Variants in SPIDR observed in about 807,000 individuals in gnomAD.
SPIDR encodes the protein scaffold protein involved in DNA repair.
In SPIDR, 93 loss-of-function variants were observed where a neutral mutation model predicts 104.6. That is an observed-to-expected ratio of 0.89 (90% CI 0.75 to 1.06). The LOEUF is 1.06. Ranked by LOEUF, SPIDR falls within the 50% of genes least tolerant of loss-of-function variation. The pLI is 0.00. For missense variants in SPIDR, 1,154 were observed against 1,111.2 expected (o/e 1.04, Z -0.55); for synonymous variants, 431 against 416.9 (o/e 1.03, Z -0.41).
At chr8:47,590,681 T>G (rs897762384) in intron 8 of SPIDR, among the ~76,000 whole-genome samples, 2 of 152,204 alleles carry the variant, frequency 1.3e-5, no homozygotes, top group African/African-American at 2.4e-5. Context: ...TTGATGGTGG[T>G]GTTGTGCTCT....
intron 11 of SPIDR, among the ~76,000 whole-genome samples, chr8:47,696,908 A>G (rs554472016): frequency 1.3e-5 from 2 of 152,290 alleles, no homozygotes; most frequent in East Asian, 1.9e-4. Flanking sequence ...CCTCTGAGCA[A>G]ATGCACATCA....
intron 5 of SPIDR, among the ~76,000 whole-genome samples, chr8:47,343,121 A>C (rs1453660309): frequency 1.3e-5 from 2 of 152,190 alleles, no homozygotes; most frequent in Non-Finnish European, 2.9e-5. Context: ...TTAAATACCC[A>C]ATAAAAATTC....
At chr8:47,445,723 C>G (rs1402201905) in intron 8 of SPIDR, among the ~76,000 whole-genome samples, 4 of 152,198 alleles carry the variant, frequency 2.6e-5, no homozygotes, top group Non-Finnish European at 2.9e-5. Flanking sequence ...ATAAAAAGTG[C>G]TATTCCAGTG....
At position 47,528,447 on chromosome 8, in the gene SPIDR, CAG is replaced by C. The variant is rs546552072; in HGVS notation, c.1098-67361_1098-67360del. ...ACAAATAAGTCACAGTTTGAAGAAA[CAG>C]AGCAAGCATTAGAACCAGACTCTGG... is the stretch of plus-strand genomic sequence containing the variant. On this transcript the variant is annotated intron_variant, in intron 8 of 19. Coordinates refer to ENST00000297423, the MANE Select transcript of SPIDR (RefSeq NM_001080394.4). Among the ~76,000 whole-genome samples the C allele has an allele frequency of 2.2e-3, 329 of 152,218 alleles. 2 individuals carry two copies. The highest frequency in any genetic ancestry group is 7.6e-3 in the African/African-American group (316 of 41,520).
chr8:47,458,566 A>G (rs2073413383), intron 8 of SPIDR, among the ~76,000 whole-genome samples: 1 of 151,602 alleles, frequency 6.6e-6, no homozygotes, highest in South Asian at 2.1e-4. Flanking sequence ...CTAGGTATGC[A>G]ATCATATCAT....
intron 8 of SPIDR, among the ~76,000 whole-genome samples, chr8:47,520,683 TA>T (rs921649879): frequency 6.6e-6 from 1 of 152,040 alleles, no homozygotes; most frequent in African/African-American, 2.4e-5. Flanking sequence ...GGAAGGGAGG[TA>T]TTACTGTAAA....
chr8:47,701,650 T>A, intron 12 of SPIDR, 71 bp from the exon 13 acceptor site: 1 of 1,442,064 alleles, frequency 6.9e-7, no homozygotes, highest in Non-Finnish European at 9.6e-7. Flanking sequence ...AAGAGGAGAT[T>A]TTAATAATAT....
intron 8 of SPIDR, among the ~76,000 whole-genome samples, chr8:47,486,555 C>G (rs1407541754): frequency 6.6e-6 from 1 of 152,168 alleles, no homozygotes; most frequent in South Asian, 2.1e-4. Flanking sequence ...TTGTCACATT[C>G]ACCAAGGTTG....
At chr8:47,530,803 T>A (rs373147842) in intron 8 of SPIDR, among the ~76,000 whole-genome samples, 1 of 152,196 alleles carries the variant, frequency 6.6e-6, no homozygotes, top group Non-Finnish European at 1.5e-5. Flanking sequence ...TCTTAATTTT[T>A]TATCCTTTTG....
chr8:47,705,134 G>A (rs1374479233), intron 14 of SPIDR, among the ~76,000 whole-genome samples: 2 of 152,360 alleles, frequency 1.3e-5, no homozygotes, highest in East Asian at 3.9e-4. Context: ...GAAAGCAGGT[G>A]TCAAAATGCT....
chr8:47,457,382 G>A (rs2073170302), intron 8 of SPIDR, among the ~76,000 whole-genome samples: 1 of 152,036 alleles, frequency 6.6e-6, no homozygotes, highest in Non-Finnish European at 1.5e-5. Flanking sequence ...TTTTTCATAT[G>A]TTCATTGGCC....
At chr8:47,581,207 A>G (rs1220458613) in intron 8 of SPIDR, among the ~76,000 whole-genome samples, 2 of 152,060 alleles carry the variant, frequency 1.3e-5, no homozygotes, top group South Asian at 2.1e-4. Flanking sequence ...TTCCTGGTAT[A>G]TGTCTCTCTA....
At position 47,293,982 on chromosome 8, in the gene SPIDR, AAGTAATC is replaced by A; in HGVS notation, c.481_487del (p.Asn161LeufsTer2). 1 of 1,614,172 alleles carries A rather than the reference AAGTAATC, an allele frequency of 6.2e-7. No individual in the cohort carries two copies. Among genetic ancestry groups the A allele is most frequent in the Non-Finnish European group, 8.5e-7 (1 of 1,180,026 alleles). ...AAATCTCAGACTGTGCTTCTTGTGCAAGTAATCAGTCTTTGACAAGTGATGAGAAGCT... is the reference window on the plus strand; with the variant it reads ...AAATCTCAGACTGTGCTTCTTGTGCAAGTCTTTGACAAGTGATGAGAAGCT... On this transcript the variant is annotated frameshift_variant, in exon 5 of 20. Coordinates refer to ENST00000297423, the MANE Select transcript of SPIDR (RefSeq NM_001080394.4). LOFTEE classifies it high-confidence loss of function.
chr8:47,278,097 T>TC lies in SPIDR; in HGVS notation c.34-1765_34-1764insC, dbSNP rs782713731. Among the ~76,000 whole-genome samples the TC allele has an allele frequency of 4.4e-3, 141 of 31,796 alleles. No homozygotes were observed. The African/African-American group carries it at 0.13, about 29-fold the overall frequency. The allele number at this position is 31,796 out of a possible 152,430, so 20.9% of individuals were successfully genotyped here. A position where few individuals can be genotyped will look rare whatever the true frequency, so the allele number is the denominator to read the frequency against. On this transcript the variant is annotated intron_variant, in intron 1 of 19. Transcript: ENST00000297423. ...GGCAGTGCTTGTCATTTTCTTTCTC[T>TC]TTTTTTTTTTTTTTTTATTAATAGC...
At chr8:47,578,656 A>G (rs1057352081) in intron 8 of SPIDR, among the ~76,000 whole-genome samples, 14 of 152,214 alleles carry the variant, frequency 9.2e-5, no homozygotes, top group African/African-American at 2.9e-4. Context: ...CCCTGTAGAC[A>G]GATCCTACTG....
At position 47,713,483 on chromosome 8, in the gene SPIDR, C is replaced by T. The variant is rs373659224; in HGVS notation, c.2189-6C>T. On this transcript the variant is annotated splice_polypyrimidine_tract_variant and splice_region_variant and intron_variant, in intron 15 of 19. Transcript: ENST00000297423. Reference sequence around the variant, plus strand: ...CTTCAATAACCTGAAGTGTCTCTGTCGGCAGGTCGGATTGTTTGTGCTGAA... The same window carrying T: ...CTTCAATAACCTGAAGTGTCTCTGTTGGCAGGTCGGATTGTTTGTGCTGAA... 27 of 1,614,100 alleles carry T rather than the reference C, an allele frequency of 1.7e-5. No homozygotes were observed. The highest frequency in any genetic ancestry group is 1.6e-4 in the East Asian group (7 of 44,870).
chr8:47,668,761 TG>T (rs1360534466), intron 10 of SPIDR, among the ~76,000 whole-genome samples: 5 of 152,196 alleles, frequency 3.3e-5, no homozygotes, highest in Admixed American at 6.5e-5. Context: ...TAGTAATTGA[TG>T]GATTACAAAA....
intron 5 of SPIDR, among the ~76,000 whole-genome samples, chr8:47,353,130 T>C (rs2053874626): frequency 6.6e-6 from 1 of 152,092 alleles, no homozygotes; most frequent in African/African-American, 2.4e-5. Flanking sequence ...GTTAAATTTT[T>C]ATTCAAAAAG....
intron 11 of SPIDR, among the ~76,000 whole-genome samples, chr8:47,684,018 C>T (rs1452275339): frequency 2.0e-5 from 3 of 149,370 alleles, no homozygotes; most frequent in East Asian, 2.0e-4. Context: ...CCCAGCTACT[C>T]AGTAGGCTGA....
Sources: allele counts gnomAD v4.1 joint callset (sites outside exome capture counted in the v4.1 genomes callset), GRCh38; gene constraint gnomAD v4.1.1; transcripts MANE v1.5; gene names NCBI Gene and HGNC (gene_info 2026-07-23, HGNC 2026-07-21).